The following CEP44 variants were observed in gnomAD, a reference collection of about 807,000 sequenced individuals.
CEP44 encodes centrosomal protein 44.
CEP44 carries 45 observed loss-of-function variants against 46.7 expected under a neutral mutation model. The observed-to-expected ratio is 0.96, with a 90% CI of 0.76 to 1.24. The LOEUF is 1.24. CEP44 is among the 50% of genes most tolerant of loss of function. The pLI is 0.00. For synonymous variants in CEP44, 142 were observed against 146.0 expected (o/e 0.97, Z 0.20); for missense variants, 475 against 459.7 (o/e 1.03, Z -0.30).
rs1046714046 is a variant in CEP44 at position 174,314,039 on chromosome 4, C to T, written c.962-2127C>T. 6.6e-6 allele frequency among the ~76,000 whole-genome samples: 1 copy of T among 152,136 alleles called. No homozygotes were observed. The highest frequency in any genetic ancestry group is 1.5e-5 in the Non-Finnish European group (1 of 68,032). Reference sequence around the variant, plus strand: ...TAAATGGTAAAGGACCCTACTGATTCCCTTCGTGGAATAAGGTGATAAGCC... The same window carrying T: ...TAAATGGTAAAGGACCCTACTGATTTCCTTCGTGGAATAAGGTGATAAGCC... On this transcript the variant is annotated intron_variant, in intron 9 of 11. Transcript: ENST00000503780. This position sits in a 1 kb window ranked among gnomAD's most constrained non-coding sequence, Gnocchi z 4.1.
chr4:174,319,534 T>C lies in CEP44; in HGVS notation c.*2151T>C, dbSNP rs1017760038. On this transcript the variant is annotated 3_prime_UTR_variant, in exon 12 of 12. Coordinates refer to ENST00000503780, the MANE Select transcript of CEP44 (RefSeq NM_001040157.3). ...TAAGTCTCTTTCTACCCTTTCTTTT[T>C]TTCTTTATATAGTGCAGATATACAC... 2.3e-6 allele frequency: 2 copies of C among 857,888 alleles called. No individual in the cohort carries two copies. The highest frequency in any genetic ancestry group is 2.4e-4 in the East Asian group (2 of 8,244). 53.1% of individuals were successfully genotyped at this position (857,888 alleles called of 1,614,324 possible). A position where few individuals can be genotyped will look rare whatever the true frequency, so the allele number is the denominator to read the frequency against.
chr4:174,303,314 G>A (rs1164574576), intron 4 of CEP44, among the ~76,000 whole-genome samples: 1 of 151,896 alleles, frequency 6.6e-6, no homozygotes, highest in African/African-American at 2.4e-5. Flanking sequence ...GCCTACTGAC[G>A]TATCCAAAAA....
At chr4:174,316,677 T>A (rs2126668042) in intron 11 of CEP44, 110 bp downstream of exon 11, 1 of 1,000,676 alleles carries the variant, frequency 1.0e-6, no homozygotes, top group East Asian at 2.8e-5. Context: ...GGTCTCTCAA[T>A]CAGGTGTGGA....
In CEP44 at chr4:174,303,756, C is replaced by CAAAT; in HGVS notation, c.291_292insAAAT (p.Gln98LysfsTer15). On this transcript the variant is annotated frameshift_variant, in exon 5 of 12. Coordinates refer to ENST00000503780, the MANE Select transcript of CEP44 (RefSeq NM_001040157.3). LOFTEE classifies it high-confidence loss of function. ...CAATTTTGACAAAAAAGCAGTTTAT[C>CAAAT]CAATGTGGGTTTGCAGAATGGAAAA... The CAAAT allele has an allele frequency of 6.4e-7, 1 of 1,563,562 alleles. No homozygotes were observed. The highest frequency in any genetic ancestry group is 1.2e-5 in the South Asian group (1 of 85,910).
At position 174,329,800 on chromosome 4, in the gene CEP44, A is replaced by G. The variant is rs563513761; in HGVS notation, c.1087-1682A>G. On this transcript the variant is annotated intron_variant, in intron 8 of 8. Transcript: ENST00000426172. This position sits in a 1 kb window ranked among gnomAD's most constrained non-coding sequence, Gnocchi z 4.0. Reference sequence around the variant, plus strand: ...TTCTTTCTCAAGATAGATTTATGGTAAAAATAGACTACTGAACTGTCTTGT... The same window carrying G: ...TTCTTTCTCAAGATAGATTTATGGTGAAAATAGACTACTGAACTGTCTTGT... 6.6e-6 allele frequency among the ~76,000 whole-genome samples: 1 copy of G among 152,286 alleles called. No homozygotes were observed. The highest frequency in any genetic ancestry group is 1.5e-5 in the Non-Finnish European group (1 of 68,010).
intron 2 of CEP44, 107 bp downstream of exon 2, chr4:174,298,169 G>GTTT (rs1258188380): frequency 3.4e-5 from 3 of 89,272 alleles, no homozygotes; most frequent in Admixed American, 1.2e-4. Flanking sequence ...GGGTATATAT[G>GTTT]ATTTTTTTTT....
rs1742179603 is a variant in CEP44, at chr4:174,320,121, T to G, written c.*2738T>G. On this transcript the variant is annotated 3_prime_UTR_variant, in exon 12 of 12. Transcript: ENST00000503780. ...TGCTCTGAATAGGTCTCGGTAAAGA[T>G]TATATGGAAATACTATAAAGAATAC... 1 of 985,084 alleles carries G rather than the reference T, an allele frequency of 1.0e-6. No individual in the cohort carries two copies. The highest frequency in any genetic ancestry group is 4.7e-5 in the South Asian group (1 of 21,272). 61.0% of individuals were successfully genotyped at this position (985,084 alleles called of 1,614,324 possible). A position where few individuals can be genotyped will look rare whatever the true frequency, so the allele number is the denominator to read the frequency against.
At chr4:174,289,552 T>C (rs970084759) in intron 1 of CEP44, among the ~76,000 whole-genome samples, 1 of 151,992 alleles carries the variant, frequency 6.6e-6, no homozygotes. Context: ...TTCATAATAG[T>C]CCCTTATGAT....
Position 174,303,693 on chromosome 4 carries a change from TC to T in CEP44, c.238-8del. 6.7e-7 allele frequency: 1 copy of T among 1,500,242 alleles called. No individual in the cohort carries two copies. Among genetic ancestry groups the T allele is most frequent in the Non-Finnish European group, 9.1e-7 (1 of 1,100,000 alleles). The allele number at this position is 1,500,242 out of a possible 1,614,324, so 92.9% of individuals were successfully genotyped here. A position where few individuals can be genotyped will look rare whatever the true frequency, so the allele number is the denominator to read the frequency against. ...CTCCCAATTATTACAAGAGTCTGTT[TC>T]CTCTGCAGCTTCTTCGTGATCAATT... On this transcript the variant is annotated splice_polypyrimidine_tract_variant and intron_variant, in intron 4 of 11. Coordinates refer to ENST00000503780, the MANE Select transcript of CEP44 (RefSeq NM_001040157.3).
In CEP44 at chr4:174,326,144, T is replaced by C. The variant is rs1742650423; in HGVS notation, c.1087-5338T>C. Among the ~76,000 whole-genome samples the C allele has an allele frequency of 6.6e-6, 1 of 152,028 alleles. No homozygotes were observed. Among genetic ancestry groups the C allele is most frequent in the South Asian group, 2.1e-4 (1 of 4,832 alleles). ...TGTTCTTAGCTGCTTTTTTGCCTCT[T>C]TTCCTGAATTATTTTTCACTGGATA... On this transcript the variant is annotated intron_variant, in intron 8 of 8. Coordinates refer to the CEP44 transcript ENST00000426172. The surrounding 1 kb of genome is among the most constrained non-coding windows in gnomAD (Gnocchi z 4.8).
rs1738093053 is a variant in CEP44 at position 174,290,657 on chromosome 4, G to T, written c.-148+6714G>T. On this transcript the variant is annotated intron_variant, in intron 1 of 11. Transcript: ENST00000503780. This position sits in a 1 kb window ranked among gnomAD's most constrained non-coding sequence, Gnocchi z 4.3. ...ACGTATCAAAGTCTCCTTCTGTATT[G>T]TATTGATATCTATTTCTTCCTCCAA... Among the ~76,000 whole-genome samples, 1 of 152,008 alleles carries T rather than the reference G, an allele frequency of 6.6e-6. No individual in the cohort carries two copies.
chr4:174,315,639 C>T (rs1741586566), intron 9 of CEP44, among the ~76,000 whole-genome samples: 1 of 151,612 alleles, frequency 6.6e-6, no homozygotes, highest in African/African-American at 2.4e-5. Flanking sequence ...TAAATATCAC[C>T]ATTTTAAGAA....
At position 174,331,725 on chromosome 4, in the gene CEP44, A is replaced by G. The variant is rs190439679; in HGVS notation, c.*130A>G. The G allele has an allele frequency of 1.1e-3, 1,336 of 1,196,366 alleles. 9 individuals carry two copies. In the African/African-American group the frequency reaches 0.018, roughly 16 times the overall value. 74.1% of individuals were successfully genotyped at this position (1,196,366 alleles called of 1,614,324 possible). On this transcript the variant is annotated 3_prime_UTR_variant, in exon 9 of 9. Transcript: ENST00000426172. This position sits in a 1 kb window ranked among gnomAD's most constrained non-coding sequence, Gnocchi z 4.5. ...CTCAGCTCCAGCTCTTTTAATGGGCATATCAAAACTGATGACTTTTTCCTT... is the reference window on the plus strand; with the variant it reads ...CTCAGCTCCAGCTCTTTTAATGGGCGTATCAAAACTGATGACTTTTTCCTT...
Position 174,326,338 on chromosome 4 carries a change from A to G in CEP44, c.1087-5144A>G, listed in dbSNP as rs545154119. 2.0e-5 allele frequency among the ~76,000 whole-genome samples: 3 copies of G among 151,370 alleles called. No homozygotes were observed. Among genetic ancestry groups the G allele is most frequent in the African/African-American group, 4.9e-5 (2 of 40,870 alleles). ...TTATACTACTCATTTTTCAGTATAT[A>G]TATTTAACTTAATATAGGCTACCTT... On this transcript the variant is annotated intron_variant, in intron 8 of 8. Coordinates refer to the CEP44 transcript ENST00000426172. The surrounding 1 kb of genome is among the most constrained non-coding windows in gnomAD (Gnocchi z 4.8).
In CEP44 at chr4:174,331,136, T is replaced by C. The variant is rs544758369; in HGVS notation, c.1087-346T>C. 2.2e-3 allele frequency among the ~76,000 whole-genome samples: 329 copies of C among 152,282 alleles called. 3 individuals carry two copies. Among genetic ancestry groups the C allele is most frequent in the African/African-American group, 7.4e-3 (306 of 41,556 alleles). ...CTCATCACAATGGAGTATTTTCATT[T>C]TTAATTAGTACGTAAATTAGATCTC... is the stretch of plus-strand genomic sequence containing the variant. On this transcript the variant is annotated intron_variant, in intron 8 of 8. Transcript: ENST00000426172. The surrounding 1 kb of genome is among the most constrained non-coding windows in gnomAD (Gnocchi z 4.5).
rs574581945 is a variant in CEP44, at chr4:174,294,956, A to G, written c.-147-3010A>G. Among the ~76,000 whole-genome samples the G allele has an allele frequency of 3.1e-5, 4 of 129,602 alleles. No individual in the cohort carries two copies. The South Asian group carries it at 1.0e-3, about 33-fold the overall frequency. 85.0% of individuals were successfully genotyped at this position (129,602 alleles called of 152,430 possible). A position where few individuals can be genotyped will look rare whatever the true frequency, so the allele number is the denominator to read the frequency against. The stretch of plus-strand genomic sequence containing the variant: ...GGCAGAGGCGCCCCTCACCTCCTGG[A>G]CGGGACGGCTGGCCGGGTGGGGGGC... On this transcript the variant is annotated intron_variant, in intron 1 of 11. Coordinates refer to ENST00000503780, the MANE Select transcript of CEP44 (RefSeq NM_001040157.3).
chr4:174,327,079 AG>A (rs1238305282), intron 8 of CEP44, among the ~76,000 whole-genome samples: 16 of 151,018 alleles, frequency 1.1e-4, no homozygotes, highest in Admixed American at 5.3e-4. Flanking sequence ...ACTTCTAGAT[AG>A]GAGCCATAAG....
chr4:174,298,932 T>G, intron 2 of CEP44, 140 bp from the exon 3 acceptor site: 1 of 531,430 alleles, frequency 1.9e-6, no homozygotes, highest in Non-Finnish European at 3.4e-6. Flanking sequence ...AGAACTTGAG[T>G]AGTAGAGAAG....
chr4:174,317,678 T>C lies in CEP44; in HGVS notation c.*295T>C. 5.9e-6 allele frequency: 6 copies of C among 1,012,348 alleles called. No individual in the cohort carries two copies. The highest frequency in any genetic ancestry group is 7.1e-6 in the Non-Finnish European group (6 of 846,922). The allele number at this position is 1,012,348 out of a possible 1,614,324, so 62.7% of individuals were successfully genotyped here. Reference sequence around the variant, plus strand: ...CACTGTATTTCTGTGTTGACATTTGTTGGCAGTGTGCTAAGTAATGTTTTT... The same window carrying C: ...CACTGTATTTCTGTGTTGACATTTGCTGGCAGTGTGCTAAGTAATGTTTTT... On this transcript the variant is annotated 3_prime_UTR_variant, in exon 12 of 12. Transcript: ENST00000503780.
Sources: gnomAD v4.1 joint callset for allele counts (sites outside exome capture counted in the v4.1 genomes callset) on GRCh38, gnomAD v4.1.1 for gene constraint, Gnocchi (gnomAD v3.1) non-coding constraint, MANE v1.5 for transcripts, NCBI Gene and HGNC (gene_info 2026-07-23, HGNC 2026-07-21) for gene names.